Variants in SDK1 observed in about 807,000 individuals in gnomAD.
SDK1 encodes the protein protein sidekick-1.
In SDK1, 157 loss-of-function variants were observed where a neutral mutation model predicts 245.5. The observed-to-expected ratio is 0.64, with a 90% confidence interval of 0.56 to 0.73. The LOEUF is 0.73. Among genes scored for constraint, SDK1 ranks in the 30% least tolerant of loss-of-function variants. The pLI is 0.00. For missense variants in SDK1, 3,583 were observed against 3,002.3 expected (o/e 1.19, Z -4.52); for synonymous variants, 1,647 against 1,278.5 (o/e 1.29, Z -6.15).
At chr7:3,557,312 C>T (rs1014072681) in intron 1 of SDK1, among the ~76,000 whole-genome samples, 2 of 152,196 alleles carry the variant, frequency 1.3e-5, no homozygotes, top group African/African-American at 4.8e-5. Flanking sequence ...GACAAGATTA[C>T]ACTCACACAT....
intron 1 of SDK1, among the ~76,000 whole-genome samples, chr7:3,572,727 C>T (rs572169104): frequency 4.6e-5 from 7 of 152,158 alleles, no homozygotes; most frequent in African/African-American, 1.7e-4. Context: ...TAACGGTGAG[C>T]TAGGCAAATC....
At chr7:3,948,562 A>G (rs1420814871) in intron 5 of SDK1, among the ~76,000 whole-genome samples, 3 of 152,116 alleles carry the variant, frequency 2.0e-5, no homozygotes, top group Non-Finnish European at 4.4e-5. Flanking sequence ...GCGCCCGGCC[A>G]CCACTGTTCT....
chr7:3,653,696 A>G (rs1286224744), intron 4 of SDK1, among the ~76,000 whole-genome samples: 1 of 152,162 alleles, frequency 6.6e-6, no homozygotes, highest in African/African-American at 2.4e-5. Context: ...AAGGTGGAAG[A>G]GGAGAAACGG....
chr7:3,345,994 G>C (rs1268740233), intron 1 of SDK1, among the ~76,000 whole-genome samples: 1 of 152,120 alleles, frequency 6.6e-6, no homozygotes, highest in Non-Finnish European at 1.5e-5. Flanking sequence ...AGTTCTTTTA[G>C]AATAACCCCA....
chr7:3,903,564 A>G lies in SDK1; in HGVS notation c.848-47359A>G, dbSNP rs554921530. ...CAGCTGCTGTGGAAAAGAGTTTGGC[A>G]TTTCCTCAAAAAGTTAAATACAGAG... On this transcript the variant is annotated intron_variant, in intron 5 of 44. Transcript: ENST00000404826. Among the ~76,000 whole-genome samples, 3 of 152,290 alleles carry G rather than the reference A, an allele frequency of 2.0e-5. No individual in the cohort carries two copies. In the South Asian group the frequency reaches 6.2e-4, roughly 32 times the overall value.
chr7:3,608,998 T>C (rs1398412160), intron 1 of SDK1, among the ~76,000 whole-genome samples: 1 of 152,218 alleles, frequency 6.6e-6, no homozygotes, highest in African/African-American at 2.4e-5. Context: ...AATCTAGTTG[T>C]CCTTTATTAA....
In SDK1 at chr7:3,987,209, A is replaced by G; in HGVS notation, c.2018A>G (p.Asn673Ser). The G allele has an allele frequency of 1.9e-6, 3 of 1,613,552 alleles. No individual in the cohort carries two copies. The highest frequency in any genetic ancestry group is 2.5e-6 in the Non-Finnish European group (3 of 1,179,902). Residue 673 changes from asparagine to serine, a missense_variant, in exon 14 of 45, where the codon AAC becomes AGC. Physicochemically the swap from Asn to Ser is conservative, Grantham distance 46. Transcript: ENST00000404826. ...AGTGAACTGCCTCATTCACCTCAGAACCTCCTGGTCAGCCCTAATTCTTCC... is the reference window on the plus strand; with the variant it reads ...AGTGAACTGCCTCATTCACCTCAGAGCCTCCTGGTCAGCCCTAATTCTTCC... The part of the protein sequence containing the change: ...EVIELPHSPQ[N>S]LLVSPNSSHS...
In SDK1 at chr7:4,116,098, G is replaced by A. The variant is rs116469874; in HGVS notation, c.3823+1824G>A. 4.2e-3 allele frequency among the ~76,000 whole-genome samples: 634 copies of A among 152,190 alleles called. 4 individuals are homozygous for A. The highest frequency in any genetic ancestry group is 0.012 in the African/African-American group (486 of 41,512). On this transcript the variant is annotated intron_variant, in intron 25 of 44. Transcript: ENST00000404826. The stretch of plus-strand genomic sequence containing the variant: ...TGGGGGGCCCAGGGCTCCCGGGCCT[G>A]GCCTGTCTGCTCTAAAGATGAAGAG...
At chr7:4,107,812 C>T (rs1783043673) in intron 22 of SDK1, among the ~76,000 whole-genome samples, 1 of 152,204 alleles carries the variant, frequency 6.6e-6, no homozygotes, top group South Asian at 2.1e-4. Flanking sequence ...TCTTGCTTGC[C>T]CTTCCCTCTG....
chr7:3,566,781 C>T (rs1035693435), intron 1 of SDK1, among the ~76,000 whole-genome samples: 2 of 149,538 alleles, frequency 1.3e-5, no homozygotes, highest in East Asian at 1.9e-4. Flanking sequence ...TGACCACACA[C>T]TTCACAAAAC....
intron 22 of SDK1, among the ~76,000 whole-genome samples, chr7:4,098,555 C>T (rs922983101): frequency 2.0e-5 from 3 of 152,138 alleles, no homozygotes; most frequent in Non-Finnish European, 2.9e-5. Context: ...TTCCAGGTAT[C>T]GTGCTACAGA....
intron 4 of SDK1, among the ~76,000 whole-genome samples, chr7:3,716,128 AAAT>A (rs1370705757): frequency 6.6e-6 from 1 of 151,804 alleles, no homozygotes; most frequent in African/African-American, 2.4e-5. Context: ...AAAAAAAAAA[AAAT>A]GAACAGAGGC....
chr7:4,166,120 GA>G (rs1299204819), intron 32 of SDK1, among the ~76,000 whole-genome samples: 1 of 152,194 alleles, frequency 6.6e-6, no homozygotes, highest in African/African-American at 2.4e-5. Flanking sequence ...TTCTAGCAAA[GA>G]AAAAAATCCC....
chr7:3,522,537 G>A (rs1782975867), intron 1 of SDK1, among the ~76,000 whole-genome samples: 1 of 146,634 alleles, frequency 6.8e-6, no homozygotes, highest in African/African-American at 2.6e-5. Flanking sequence ...TATCTTGGGT[G>A]CCCCTTCAGC....
chr7:3,556,882 C>T (rs544711576), intron 1 of SDK1, among the ~76,000 whole-genome samples: 5 of 152,192 alleles, frequency 3.3e-5, no homozygotes, highest in Non-Finnish European at 5.9e-5. Flanking sequence ...GTGATGGATA[C>T]CCATACCCCG....
intron 4 of SDK1, among the ~76,000 whole-genome samples, chr7:3,690,620 A>G (rs1784415360): frequency 1.3e-5 from 2 of 152,166 alleles, no homozygotes; most frequent in South Asian, 4.1e-4. Flanking sequence ...GCTTTTACAG[A>G]TAAGTCACCA....
At chr7:3,706,910 C>G (rs936512571) in intron 4 of SDK1, among the ~76,000 whole-genome samples, 2 of 152,136 alleles carry the variant, frequency 1.3e-5, no homozygotes, top group Non-Finnish European at 2.9e-5. Context: ...TGTAATGTCT[C>G]TAGTTTTATT....
intron 5 of SDK1, among the ~76,000 whole-genome samples, chr7:3,826,150 C>A (rs1049150965): frequency 3.3e-5 from 5 of 152,170 alleles, no homozygotes; most frequent in African/African-American, 1.2e-4. Flanking sequence ...TAAGTCTAGG[C>A]CATGGTCCCT....
intron 4 of SDK1, chr7:3,642,966 A>G (rs1256215790): frequency 2.6e-5 from 4 of 152,258 alleles, no homozygotes; most frequent in Non-Finnish European, 5.9e-5. Context: ...TTCAAAAAGA[A>G]TATGTGTGAG....
Sources: allele counts gnomAD v4.1 joint callset (sites outside exome capture counted in the v4.1 genomes callset), GRCh38; gene constraint gnomAD v4.1.1; transcripts MANE v1.5; gene names NCBI Gene and HGNC (gene_info 2026-07-23, HGNC 2026-07-21).